Variants in PDE6A observed in about 807,000 individuals in gnomAD.
The protein encoded by PDE6A is rod cGMP-specific 3',5'-cyclic phosphodiesterase subunit alpha.
PDE6A carries 84 observed loss-of-function variants against 106.3 expected under a neutral mutation model. The ratio of observed to expected loss-of-function variants is 0.79; its 90% CI spans 0.66 to 0.95. PDE6A has a LOEUF of 0.95. PDE6A is among the 40% of genes least tolerant of loss of function. PDE6A has a pLI of 0.00. For synonymous variants in PDE6A, 394 were observed against 386.6 expected (o/e 1.02, Z -0.23); for missense variants, 1,052 against 1,084.9 (o/e 0.97, Z 0.43).
chr5:149,915,387 G>T (rs112428416), intron 5 of PDE6A, among the ~76,000 whole-genome samples: 7 of 152,110 alleles, frequency 4.6e-5, no homozygotes, highest in African/African-American at 1.7e-4. Flanking sequence ...TTTTACCATC[G>T]TATGCCCCGT....
chr5:149,879,245 T>G (rs1561698190), intron 17 of PDE6A, among the ~76,000 whole-genome samples: 1 of 151,980 alleles, frequency 6.6e-6, no homozygotes, highest in Non-Finnish European at 1.5e-5. Context: ...ATAATTTTTG[T>G]ATTTTTAGTA....
chr5:149,944,287 G>C lies in PDE6A; in HGVS notation c.387C>G (p.Asp129Glu). ...TGTCCAAAGGGAAGACGATCTCTTG[G>C]TCGGGCATCACCAGGCAGTCCTCGA... ...AVLEDCLVMP[D>E]QEIVFPLDMG... Residue 129 changes from aspartate (D) to glutamate (E), a missense_variant, in exon 1 of 22, where the codon GAC becomes GAG. By Grantham distance (45) the Asp-to-Glu change is conservative. Around this residue, in one of 3 missense-constraint regions of PDE6A, gnomAD observed 913 missense variants for 915.2 expected, o/e 1.00. Coordinates refer to ENST00000255266, the MANE Select transcript of PDE6A (RefSeq NM_000440.3). 1.9e-6 allele frequency: 3 copies of C among 1,613,978 alleles called. No individual in the cohort carries two copies. The South Asian group carries it at 3.3e-5, about 18-fold the overall frequency.
At chr5:149,875,633 G>A (rs1462807243) in intron 17 of PDE6A, among the ~76,000 whole-genome samples, 1 of 151,792 alleles carries the variant, frequency 6.6e-6, no homozygotes, top group Non-Finnish European at 1.5e-5. Context: ...GGGACCACAG[G>A]TGCGTGCCAC....
chr5:149,907,496 T>G, intron 6 of PDE6A, 118 bp from the exon 7 acceptor site: 1 of 775,362 alleles, frequency 1.3e-6, no homozygotes, highest in South Asian at 1.4e-5. Flanking sequence ...CTGCTTACAT[T>G]CACTACACCT....
rs10057110 is a variant in PDE6A at position 149,934,000 on chromosome 5, T to C, written c.647A>G (p.Asn216Ser). 11,544 of 1,609,690 alleles carry C rather than the reference T, an allele frequency of 7.2e-3. 695 individuals are homozygous for C. The African/African-American group carries it at 0.13, about 18-fold the overall frequency. Residue 216 changes from asparagine (N) to serine (S), a missense_variant, in exon 3 of 22, where the codon AAT (asparagine) becomes AGT (serine). By Grantham distance (46) the Asn-to-Ser change is conservative. This residue lies in a region of PDE6A where 913 missense variants were observed against 915.2 expected (regional missense o/e 1.00). Transcript: ENST00000255266. ...CACCTTCATGATTAGATTTGCAAAA[T>C]TGAGGTACTTGAGAAGAATCTAAAA... is the stretch of plus-strand genomic sequence containing the variant. ...RDEEILLKYLNFANLIMKVYH... is the reference protein window; with the variant it reads ...RDEEILLKYLSFANLIMKVYH...
At chr5:149,907,219 A>T in intron 7 of PDE6A, 93 bp downstream of exon 7, 1 of 989,348 alleles carries the variant, frequency 1.0e-6, no homozygotes. Context: ...CACACTTGCC[A>T]TCATCTTTTC....
intron 7 of PDE6A, among the ~76,000 whole-genome samples, chr5:149,905,993 G>A (rs1753164268): frequency 6.6e-6 from 1 of 152,078 alleles, no homozygotes; most frequent in Non-Finnish European, 1.5e-5. Flanking sequence ...GAGTAGCTGG[G>A]ACTGTGGGCT....
chr5:149,874,298 C>T (rs964141153), intron 17 of PDE6A, among the ~76,000 whole-genome samples: 2 of 152,192 alleles, frequency 1.3e-5, no homozygotes, highest in Admixed American at 6.5e-5. Flanking sequence ...AAGTTACCTA[C>T]CCTTCTGTCT....
intron 12 of PDE6A, among the ~76,000 whole-genome samples, chr5:149,895,776 TGAGA>T: frequency 6.6e-6 from 1 of 151,762 alleles, no homozygotes; most frequent in South Asian, 2.1e-4. Context: ...TCTGTGTGTG[TGAGA>T]GAGAGAGAGA....
chr5:149,924,326 A>G (rs1055200236), intron 4 of PDE6A, among the ~76,000 whole-genome samples: 1 of 152,132 alleles, frequency 6.6e-6, no homozygotes, highest in Admixed American at 6.6e-5. Context: ...GAGTGGCTCC[A>G]AAGATTGTCC....
At chr5:149,889,407 C>A (rs1033725085) in intron 13 of PDE6A, among the ~76,000 whole-genome samples, 9 of 151,660 alleles carry the variant, frequency 5.9e-5, no homozygotes, top group African/African-American at 2.2e-4. Context: ...AAGTATTTAA[C>A]TTTCTGTATT....
intron 1 of PDE6A, among the ~76,000 whole-genome samples, chr5:149,939,046 G>T (rs1754260059): frequency 1.3e-5 from 2 of 152,106 alleles, no homozygotes; most frequent in Admixed American, 1.3e-4. Flanking sequence ...GGTGGCGAAG[G>T]TTGCATTCTG....
At chr5:149,893,990 A>C (rs1561724503) in intron 13 of PDE6A, among the ~76,000 whole-genome samples, 2 of 152,186 alleles carry the variant, frequency 1.3e-5, no homozygotes. Flanking sequence ...GAAAGTTTCC[A>C]ATGGGGCTCC....
intron 6 of PDE6A, among the ~76,000 whole-genome samples, chr5:149,911,526 A>T (rs1028965776): frequency 1.3e-5 from 2 of 152,180 alleles, no homozygotes; most frequent in Admixed American, 6.5e-5. Context: ...CCGAGTTCAC[A>T]CCTAGGCAAT....
intron 1 of PDE6A, among the ~76,000 whole-genome samples, chr5:149,938,733 CTTTG>C (rs887181376): frequency 1.3e-4 from 20 of 151,998 alleles, no homozygotes; most frequent in African/African-American, 4.8e-4. Flanking sequence ...AAATATCATT[CTTTG>C]TTTATCTAAA....
At chr5:149,894,978 G>A (rs1752681257) in intron 13 of PDE6A, among the ~76,000 whole-genome samples, 1 of 152,174 alleles carries the variant, frequency 6.6e-6, no homozygotes, top group Admixed American at 6.5e-5. Context: ...GTTGGGGGTA[G>A]CTTGCAGCTT....
At position 149,930,939 on chromosome 5, in the gene PDE6A, G is replaced by A. The variant is rs190197947; in HGVS notation, c.858+89C>T. 2.4e-3 allele frequency: 3,118 copies of A among 1,309,102 alleles called. 4 individuals carry two copies. The highest frequency in any genetic ancestry group is 2.9e-3 in the Non-Finnish European group (2,603 of 906,676). The allele number at this position is 1,309,102 out of a possible 1,614,324, so 81.1% of individuals were successfully genotyped here. ...CCCAATTCACCCAGCCTCTTCCCCC[G>A]TGCAATTGAATGTGTGCCAAGACTC... On this transcript the variant is annotated intron_variant, in intron 4 of 21. Coordinates refer to ENST00000255266, the MANE Select transcript of PDE6A (RefSeq NM_000440.3).
At position 149,896,498 on chromosome 5, in the gene PDE6A, G is replaced by T. The variant is rs373624745; in HGVS notation, c.1478C>A (p.Ala493Glu). 6.2e-7 allele frequency: 1 copy of T among 1,614,114 alleles called. No homozygotes were observed. Among genetic ancestry groups the T allele is most frequent in the Non-Finnish European group, 8.5e-7 (1 of 1,180,016 alleles). Reference sequence around the variant, plus strand: ...GTATTTATCTGCATCTGGCAGCTCCGCTTGCTGTATAAGGAATAGAGTCAG... The same window carrying T: ...GTATTTATCTGCATCTGGCAGCTCCTCTTGCTGTATAAGGAATAGAGTCAG... ...EEEELAEILQ[A>E]ELPDADKYEI... The change falls in exon 12 of 22, where the codon GCG becomes GAG. Residue 493 changes from alanine (A) to glutamate (E), a missense_variant. Ala to Glu is a moderately radical substitution (Grantham distance 107). This residue lies in a region of PDE6A where 913 missense variants were observed against 915.2 expected (regional missense o/e 1.00). Transcript: ENST00000255266.
Position 149,896,731 on chromosome 5 carries a change from C to T in PDE6A, c.1453G>A (p.Glu485Lys). 1 of 1,614,220 alleles carries T rather than the reference C, an allele frequency of 6.2e-7. No individual in the cohort carries two copies. The highest frequency in any genetic ancestry group is 8.5e-7 in the Non-Finnish European group (1 of 1,180,042). Reference protein sequence around the residue: ...YGKEPWECEEEELAEILQAEL... With the variant: ...YGKEPWECEEKELAEILQAEL... ...CTCACCAGGATCTCAGCCAGCTCCT[C>T]TTCCTCACACTCCCATGGCTCCTTC... The change falls in exon 11 of 22, where the codon GAG becomes AAG. Residue 485 changes from glutamate to lysine, a missense_variant. Around this residue, in one of 3 missense-constraint regions of PDE6A, gnomAD observed 913 missense variants for 915.2 expected, o/e 1.00. Coordinates refer to ENST00000255266, the MANE Select transcript of PDE6A (RefSeq NM_000440.3).
Sources: gnomAD v4.1 joint callset for allele counts (sites outside exome capture counted in the v4.1 genomes callset) on GRCh38, gnomAD v4.1.1 for gene constraint, gnomAD v4.1.1 regional missense constraint, MANE v1.5 for transcripts, NCBI Gene and HGNC (gene_info 2026-07-23, HGNC 2026-07-21) for gene names.